Variants in DYRK1A observed in about 807,000 individuals in gnomAD.
DYRK1A encodes the protein dual specificity tyrosine-phosphorylation-regulated kinase 1A.
In DYRK1A, 9 loss-of-function variants were observed where a neutral mutation model predicts 79.7. The observed-to-expected ratio is 0.11, with a 90% CI of 0.07 to 0.20. The LOEUF is 0.20. Among genes scored for constraint, DYRK1A ranks in the 10% least tolerant of loss-of-function variants. The pLI is 1.00. For missense variants in DYRK1A, 622 were observed against 956.0 expected (o/e 0.65, Z 4.61); for synonymous variants, 349 against 329.7 (o/e 1.06, Z -0.63).
intron 5 of DYRK1A, among the ~76,000 whole-genome samples, chr21:37,484,395 C>T (rs565873444): frequency 1.9e-4 from 28 of 145,922 alleles, no homozygotes; most frequent in African/African-American, 7.1e-4. Context: ...ATGGTGTGAT[C>T]TTGGCTCATT....
chr21:37,412,948 T>A (rs1448497729), intron 1 of DYRK1A, among the ~76,000 whole-genome samples: 2 of 152,182 alleles, frequency 1.3e-5, no homozygotes, highest in Non-Finnish European at 2.9e-5. Context: ...TGAAAATACT[T>A]CTTTTGCAGG....
rs1488583978 is a variant in DYRK1A, at chr21:37,516,258, G to A, written c.*3727G>A. 1 of 152,166 alleles carries A rather than the reference G, an allele frequency of 6.6e-6. No individual in the cohort carries two copies. The highest frequency in any genetic ancestry group is 6.5e-5 in the Admixed American group (1 of 15,284). 9.4% of individuals were successfully genotyped at this position (152,166 alleles called of 1,614,324 possible). A position where few individuals can be genotyped will look rare whatever the true frequency, so the allele number is the denominator to read the frequency against. ...TTACTGCTATATATGAAGGAAGTTT[G>A]AAAATGTAATGGGGACAAAAGCCGT... is the stretch of plus-strand genomic sequence containing the variant. On this transcript the variant is annotated 3_prime_UTR_variant, in exon 12 of 12. Transcript: ENST00000647188.
chr21:37,458,268 CTGTGTGTGTGTGTGTGTGTGTGTGTG>C (rs3138683), intron 2 of DYRK1A, among the ~76,000 whole-genome samples: 1 of 130,484 alleles, frequency 7.7e-6, no homozygotes. Flanking sequence ...GGGTAATTTA[CTGTGTGTGTGTGTGTGTGTGTGTGTG>C]TGTGTGTGTG....
intron 1 of DYRK1A, among the ~76,000 whole-genome samples, chr21:37,417,509 T>TC (rs2050368469): frequency 1.4e-5 from 1 of 69,898 alleles, no homozygotes; most frequent in Non-Finnish European, 2.7e-5. Context: ...TATTTTTCTT[T>TC]TCTTTTTCTT....
rs561302880 is a variant in DYRK1A at position 37,510,620 on chromosome 21, A to G, written c.1645-1291A>G. ...AGACCCCCAAAATATGGTAGCTTAA[A>G]GAGTACCAAGTTTCCTTCATTTTTG... On this transcript the variant is annotated intron_variant, in intron 11 of 11. Coordinates refer to ENST00000647188, the MANE Select transcript of DYRK1A (RefSeq NM_001347721.2). Among the ~76,000 whole-genome samples, 5 of 152,338 alleles carry G rather than the reference A, an allele frequency of 3.3e-5. No homozygotes were observed. In the South Asian group the frequency reaches 1.0e-3, roughly 32 times the overall value.
At chr21:37,483,792 A>G (rs967555884) in intron 5 of DYRK1A, among the ~76,000 whole-genome samples, 2 of 152,074 alleles carry the variant, frequency 1.3e-5, no homozygotes, top group African/African-American at 4.8e-5. Context: ...TGTGTTGCCC[A>G]GGCTGGTCTT....
intron 2 of DYRK1A, among the ~76,000 whole-genome samples, chr21:37,441,013 T>A (rs1373134153): frequency 6.6e-6 from 1 of 152,144 alleles, no homozygotes; most frequent in Non-Finnish European, 1.5e-5. Context: ...AATCTCTTAA[T>A]ATAATTGTGT....
At position 37,519,750 on chromosome 21, in the gene DYRK1A, T is replaced by TTTTTTTTTTTTTTTTTTTTTTTTTTG. The variant is rs2053919236; in HGVS notation, c.*7228_*7229insTTTTTTTTTTTTTTTTGTTTTTTTTT. On this transcript the variant is annotated 3_prime_UTR_variant, in exon 12 of 12. Transcript: ENST00000647188. The stretch of plus-strand genomic sequence containing the variant: ...TGTTGTGGGAAGTTTTTTTTTTTTT[T>TTTTTTTTTTTTTTTTTTTTTTTTTTG]TTTTTTTTTGAGGCGGAGTCTCGCT... 1 of 140,722 alleles carries TTTTTTTTTTTTTTTTTTTTTTTTTTG rather than the reference T, an allele frequency of 7.1e-6. No homozygotes were observed. Among genetic ancestry groups the TTTTTTTTTTTTTTTTTTTTTTTTTTG allele is most frequent in the African/African-American group, 2.9e-5 (1 of 34,080 alleles). 8.7% of individuals were successfully genotyped at this position (140,722 alleles called of 1,614,324 possible). A position where few individuals can be genotyped will look rare whatever the true frequency, so the allele number is the denominator to read the frequency against.
In DYRK1A at chr21:37,512,580, G is replaced by GT. The variant is rs757793083; in HGVS notation, c.*57dup. 1.3e-4 allele frequency: 200 copies of GT among 1,578,244 alleles called. No homozygotes were observed. The highest frequency in any genetic ancestry group is 1.6e-4 in the Non-Finnish European group (186 of 1,160,644). On this transcript the variant is annotated 3_prime_UTR_variant, in exon 12 of 12. Coordinates refer to ENST00000647188, the MANE Select transcript of DYRK1A (RefSeq NM_001347721.2). Reference sequence around the variant, plus strand: ...TCTTGTGTGTTTTTATAGAAGTGGTGTTTTTTTTCCAAAAACAAAGTGCAA... The same window carrying GT: ...TCTTGTGTGTTTTTATAGAAGTGGTGTTTTTTTTTCCAAAAACAAAGTGCAA...
intron 9 of DYRK1A, 115 bp from the exon 10 acceptor site, chr21:37,505,168 G>A (rs975597941): frequency 7.5e-6 from 6 of 796,172 alleles, no homozygotes; most frequent in African/African-American, 5.2e-5. Context: ...ACTATGAAGT[G>A]TCCTTTTTAA....
At chr21:37,404,178 T>C (rs1306804083) in intron 1 of DYRK1A, among the ~76,000 whole-genome samples, 1 of 152,102 alleles carries the variant, frequency 6.6e-6, no homozygotes, top group Non-Finnish European at 1.5e-5. Flanking sequence ...TAAACAAATA[T>C]AAATTGATGT....
At position 37,512,563 on chromosome 21, in the gene DYRK1A, G is replaced by T. The variant is rs761382199; in HGVS notation, c.*32G>T. 1.3e-6 allele frequency: 2 copies of T among 1,593,802 alleles called. No homozygotes were observed. Among genetic ancestry groups the T allele is most frequent in the South Asian group, 2.3e-5 (2 of 88,800 alleles). ...TGAAACTTGAGTTTGTTTCTTGTGT[G>T]TTTTTATAGAAGTGGTGTTTTTTTT... On this transcript the variant is annotated 3_prime_UTR_variant, in exon 12 of 12. Coordinates refer to ENST00000647188, the MANE Select transcript of DYRK1A (RefSeq NM_001347721.2).
chr21:37,491,846 A>G (rs1453064933), intron 7 of DYRK1A, among the ~76,000 whole-genome samples: 8 of 152,246 alleles, frequency 5.3e-5, no homozygotes, highest in African/African-American at 1.9e-4. Context: ...CTGTCTAGCC[A>G]AAATGAGCCA....
intron 1 of DYRK1A, among the ~76,000 whole-genome samples, chr21:37,416,317 C>CTTTTTTTTTTT (rs775621138): frequency 2.0e-5 from 2 of 98,146 alleles, no homozygotes; most frequent in African/African-American, 7.8e-5. Context: ...GTGTTTTGGC[C>CTTTTTTTTTTT]TTTTTTTTTT....
intron 2 of DYRK1A, among the ~76,000 whole-genome samples, chr21:37,462,659 T>TA (rs1417507979): frequency 1.3e-5 from 2 of 152,208 alleles, no homozygotes; most frequent in Non-Finnish European, 1.5e-5. Flanking sequence ...CTCTTTTTGT[T>TA]ACCTGCTGCA....
At chr21:37,403,646 A>T (rs200754900) in intron 1 of DYRK1A, among the ~76,000 whole-genome samples, 2,875 of 96,508 alleles carry the variant, frequency 0.03, 85 homozygotes, top group African/African-American at 0.087. Context: ...AAAAAAAAAA[A>T]AAATATATAT....
rs1228422261 is a variant in DYRK1A, at chr21:37,516,872, T to C, written c.*4341T>C. 1 of 152,240 alleles carries C rather than the reference T, an allele frequency of 6.6e-6. No individual in the cohort carries two copies. Among genetic ancestry groups the C allele is most frequent in the East Asian group, 1.9e-4 (1 of 5,204 alleles). 9.4% of individuals were successfully genotyped at this position (152,240 alleles called of 1,614,324 possible). A position where few individuals can be genotyped will look rare whatever the true frequency, so the allele number is the denominator to read the frequency against. On this transcript the variant is annotated 3_prime_UTR_variant, in exon 12 of 12. Coordinates refer to ENST00000647188, the MANE Select transcript of DYRK1A (RefSeq NM_001347721.2). ...TAAATCTTAGGAGACAAAGTGTTTC[T>C]CCAACTGGACGCTGATTTGAAACAC...
chr21:37,473,089 CCA>C (rs2052285059), intron 3 of DYRK1A, among the ~76,000 whole-genome samples: 2 of 151,922 alleles, frequency 1.3e-5, no homozygotes, highest in South Asian at 4.2e-4. Flanking sequence ...ATAAACATAA[CCA>C]CAGTCTCTCA....
intron 8 of DYRK1A, among the ~76,000 whole-genome samples, chr21:37,493,705 CCTTAA>C (rs913719446): frequency 8.5e-5 from 13 of 152,096 alleles, no homozygotes; most frequent in African/African-American, 3.1e-4. Context: ...CAGGGACAGG[CCTTAA>C]CTTCCCTGCA....
Sources: gnomAD v4.1 joint callset for allele counts (sites outside exome capture counted in the v4.1 genomes callset) on GRCh38, gnomAD v4.1.1 for gene constraint, MANE v1.5 for transcripts, NCBI Gene and HGNC (gene_info 2026-07-23, HGNC 2026-07-21) for gene names.